The following STPG2 variants were observed in gnomAD, a reference collection of about 807,000 sequenced individuals.
The protein encoded by STPG2 is sperm-tail PG-rich repeat-containing protein 2.
Under a neutral mutation model 54.2 loss-of-function variants are expected in STPG2, and 56 were observed. The ratio of observed to expected loss-of-function variants is 1.03; its 90% CI spans 0.83 to 1.29. The LOEUF is 1.29. STPG2 is among the 50% of genes most tolerant of loss of function. The probability of loss-of-function intolerance (pLI) is 0.00; values close to 1 mark genes in which losing one functional copy is unlikely to be tolerated. For synonymous variants in STPG2, 200 were observed against 181.8 expected (o/e 1.10, Z -0.81); for missense variants, 596 against 544.9 (o/e 1.09, Z -0.93).
At chr4:97,584,130 C>T (rs1732932804) in intron 10 of STPG2, among the ~76,000 whole-genome samples, 1 of 151,876 alleles carries the variant, frequency 6.6e-6, no homozygotes, top group African/African-American at 2.4e-5. Flanking sequence ...ACATGATAGA[C>T]CACAAAACAA....
chr4:97,508,057 G>A lies in STPG2; in HGVS notation c.462+204642C>T, dbSNP rs139021975. Among the ~76,000 whole-genome samples, 5 of 152,098 alleles carry A rather than the reference G, an allele frequency of 3.3e-5. No individual in the cohort carries two copies. The East Asian group carries it at 9.7e-4, about 30-fold the overall frequency. ...CTGTGTCATGACCTGTCCCCATGTTGAAGCTATATAGGAGCCCACTATGAG... is the reference window on the plus strand; with the variant it reads ...CTGTGTCATGACCTGTCCCCATGTTAAAGCTATATAGGAGCCCACTATGAG... On this transcript the variant is annotated intron_variant, in intron 4 of 4. Transcript: ENST00000522676.
chr4:97,575,008 T>G (rs1029683560), intron 10 of STPG2, among the ~76,000 whole-genome samples: 2 of 151,906 alleles, frequency 1.3e-5, no homozygotes, highest in Admixed American at 1.3e-4. Flanking sequence ...ACTATGAATG[T>G]TTCTATGAAT....
chr4:97,871,658 CA>C (rs1220468885), intron 8 of STPG2, among the ~76,000 whole-genome samples: 1 of 150,968 alleles, frequency 6.6e-6, no homozygotes, highest in African/African-American at 2.4e-5. Context: ...AAAACAGTTA[CA>C]AAGAAAGCAT....
chr4:97,530,409 A>G (rs1304176282), intron 4 of STPG2, among the ~76,000 whole-genome samples: 1 of 152,218 alleles, frequency 6.6e-6, no homozygotes, highest in Non-Finnish European at 1.5e-5. Flanking sequence ...CTGAGTCTAT[A>G]CACTGACATG....
chr4:97,919,055 CAAAT>C (rs1487607970), intron 8 of STPG2, among the ~76,000 whole-genome samples: 1 of 152,048 alleles, frequency 6.6e-6, no homozygotes, highest in Admixed American at 6.5e-5. Context: ...AAATCAATAA[CAAAT>C]AATGAAAAAT....
intron 10 of STPG2, among the ~76,000 whole-genome samples, chr4:97,642,369 A>G (rs1285851723): frequency 6.6e-6 from 1 of 151,360 alleles, no homozygotes; most frequent in African/African-American, 2.4e-5. Flanking sequence ...TCTGTGATAA[A>G]CATTGACATA....
At chr4:97,562,292 G>C (rs1011280314) in intron 10 of STPG2, among the ~76,000 whole-genome samples, 3 of 152,136 alleles carry the variant, frequency 2.0e-5, no homozygotes, top group African/African-American at 7.2e-5. Context: ...CATTGATTTT[G>C]TATCCTGAGA....
intron 8 of STPG2, among the ~76,000 whole-genome samples, chr4:97,936,115 C>T (rs1413515038): frequency 6.6e-6 from 1 of 152,166 alleles, no homozygotes; most frequent in East Asian, 1.9e-4. Flanking sequence ...TTAAATTCAT[C>T]CCTTTACCGT....
chr4:98,036,651 T>C (rs896776517), intron 5 of STPG2, among the ~76,000 whole-genome samples: 2 of 150,970 alleles, frequency 1.3e-5, no homozygotes, highest in African/African-American at 4.9e-5. Context: ...CTGAGGTCTT[T>C]CAGAGGGTGG....
At chr4:97,804,454 CT>C (rs1727492774) in intron 9 of STPG2, among the ~76,000 whole-genome samples, 1 of 151,672 alleles carries the variant, frequency 6.6e-6, no homozygotes, top group Non-Finnish European at 1.5e-5. Flanking sequence ...ACTTTTTTTT[CT>C]ATTTTAAAGT....
intron 10 of STPG2, among the ~76,000 whole-genome samples, chr4:97,629,317 A>G (rs762663942): frequency 3.2e-4 from 49 of 152,214 alleles, no homozygotes; most frequent in Middle Eastern, 3.4e-3. Flanking sequence ...AGCATTTACA[A>G]TCAATGACTT....
At chr4:97,788,956 C>G (rs890172819) in intron 9 of STPG2, among the ~76,000 whole-genome samples, 3 of 151,844 alleles carry the variant, frequency 2.0e-5, no homozygotes, top group Non-Finnish European at 4.4e-5. Flanking sequence ...AATAATTAGT[C>G]TTTCATTTTA....
chr4:97,638,095 A>T (rs1560697721), intron 10 of STPG2, among the ~76,000 whole-genome samples: 2 of 152,190 alleles, frequency 1.3e-5, no homozygotes. Flanking sequence ...TTCAAACTAT[A>T]CTACAAGGCT....
At chr4:97,541,802 T>G (rs1205341877) in intron 4 of STPG2, among the ~76,000 whole-genome samples, 1 of 152,018 alleles carries the variant, frequency 6.6e-6, no homozygotes. Context: ...AACAAAGCCC[T>G]CAGAAATAAT....
intron 5 of STPG2, among the ~76,000 whole-genome samples, chr4:98,070,660 CA>C (rs1481290206): frequency 6.6e-6 from 1 of 152,074 alleles, no homozygotes; most frequent in Admixed American, 6.5e-5. Context: ...GCAACTTCAA[CA>C]AAGTCTCAGG....
chr4:97,645,852 T>A (rs1439032259), intron 10 of STPG2, among the ~76,000 whole-genome samples: 1 of 152,132 alleles, frequency 6.6e-6, no homozygotes, highest in East Asian at 1.9e-4. Context: ...AAATTAGTAC[T>A]GTAAATAGTT....
At chr4:97,482,314 T>A (rs1290995850) in intron 4 of STPG2, among the ~76,000 whole-genome samples, 1 of 151,434 alleles carries the variant, frequency 6.6e-6, no homozygotes, top group African/African-American at 2.4e-5. Context: ...CAAAAAATGA[T>A]ACAAAAAGTG....
At chr4:97,927,861 T>C (rs1286241104) in intron 8 of STPG2, among the ~76,000 whole-genome samples, 2 of 152,176 alleles carry the variant, frequency 1.3e-5, no homozygotes, top group Non-Finnish European at 2.9e-5. Flanking sequence ...ATAAGTACTA[T>C]ATAAGCATTA....
At chr4:98,039,623 T>C (rs1265626764) in intron 5 of STPG2, among the ~76,000 whole-genome samples, 2 of 151,442 alleles carry the variant, frequency 1.3e-5, no homozygotes, top group African/African-American at 4.8e-5. Context: ...TATTTACCAT[T>C]GTGCAGTATA....
Sources: gnomAD v4.1 joint callset for allele counts (sites outside exome capture counted in the v4.1 genomes callset) on GRCh38, gnomAD v4.1.1 for gene constraint, MANE v1.5 for transcripts, NCBI Gene and HGNC (gene_info 2026-07-23, HGNC 2026-07-21) for gene names.